Variants in HEMGN observed in about 807,000 individuals in gnomAD.
HEMGN encodes hemogen, also known as erythroid differentiation-associated gene protein.
In HEMGN, 32 loss-of-function variants were observed where a neutral mutation model predicts 45.7. The observed-to-expected ratio is 0.70, with a 90% CI of 0.53 to 0.94. HEMGN has a LOEUF of 0.94. Ranked by LOEUF, HEMGN falls within the 40% of genes least tolerant of loss-of-function variation. HEMGN has a pLI of 0.00. For missense variants in HEMGN, 530 were observed against 564.2 expected (o/e 0.94, Z 0.61); for synonymous variants, 183 against 178.6 (o/e 1.02, Z -0.20).
In HEMGN at chr9:97,930,550, T is replaced by C; in HGVS notation, c.845A>G (p.Glu282Gly). 1 of 1,614,208 alleles carries C rather than the reference T, an allele frequency of 6.2e-7. No homozygotes were observed. Among genetic ancestry groups the C allele is most frequent in the Non-Finnish European group, 8.5e-7 (1 of 1,180,014 alleles). ...LDTDQNPAEPEEYNETDQGIA... is the reference protein window; with the variant it reads ...LDTDQNPAEPGEYNETDQGIA... ...TCCTTGATCTGTTTCATTGTATTCC[T>C]CTGGTTCTGCTGGATTTTGGTCTGT... The change falls in exon 3 of 4, where the codon GAG becomes GGG. Residue 282 changes from glutamate to glycine, a missense_variant. Glu to Gly is a moderately conservative substitution (Grantham distance 98, BLOSUM62 -2). Transcript: ENST00000616898.
intron 1 of HEMGN, among the ~76,000 whole-genome samples, chr9:97,937,277 G>T (rs1464531365): frequency 1.3e-5 from 2 of 151,838 alleles, no homozygotes; most frequent in Admixed American, 6.6e-5. Flanking sequence ...TGTTACATAG[G>T]TATACATGTG....
At position 97,931,035 on chromosome 9, in the gene HEMGN, T is replaced by G; in HGVS notation, c.360A>C (p.Ser120=). ...GCACAACTTTTTGCGGGGAGGCTAC[T>G]GAAGGAAATACTTTGGTTATGCTCC... The part of the protein sequence containing the change: ...PPGSITKVFP[S]VASPQKVVPE... The change falls in exon 3 of 4, where the codon TCA becomes TCC. Residue 120 remains serine (S), a synonymous_variant. Transcript: ENST00000616898. The G allele has an allele frequency of 6.2e-7, 1 of 1,614,180 alleles. No homozygotes were observed.
chr9:97,943,400 T>A (rs761318339), intron 1 of HEMGN, among the ~76,000 whole-genome samples: 1 of 152,248 alleles, frequency 6.6e-6, no homozygotes, highest in Non-Finnish European at 1.5e-5. Flanking sequence ...CTTTCCTAAG[T>A]GGAGAAGGAG....
rs774340204 is a variant in HEMGN, at chr9:97,938,004, TCATA to T, written c.79+50_79+53del. 14 of 1,033,514 alleles carry T rather than the reference TCATA, an allele frequency of 1.4e-5. 1 individual carries two copies. Among genetic ancestry groups the T allele is most frequent in the East Asian group, 1.2e-4 (5 of 40,376 alleles). 64.0% of individuals were successfully genotyped at this position (1,033,514 alleles called of 1,614,324 possible). A position where few individuals can be genotyped will look rare whatever the true frequency, so the allele number is the denominator to read the frequency against. On this transcript the variant is annotated intron_variant, in intron 1 of 3. Coordinates refer to ENST00000616898, the MANE Select transcript of HEMGN (RefSeq NM_197978.3). The stretch of plus-strand genomic sequence containing the variant: ...CAGATCCATTGAAAAGAGAAAATTA[TCATA>T]CCCCGAATTCTTCTCAACAGCCACC...
chr9:97,943,382 A>G (rs1384791683), intron 1 of HEMGN, among the ~76,000 whole-genome samples: 1 of 152,240 alleles, frequency 6.6e-6, no homozygotes, highest in Non-Finnish European at 1.5e-5. Flanking sequence ...AGACTGGATC[A>G]AGCTTTGCTT....
intron 2 of HEMGN, among the ~76,000 whole-genome samples, chr9:97,934,855 T>C (rs1450472905): frequency 6.6e-6 from 1 of 152,086 alleles, no homozygotes; most frequent in Admixed American, 6.6e-5. Flanking sequence ...CCTCAGGGGA[T>C]AGTAAATGCA....
chr9:97,932,460 AG>A (rs1015353661), intron 2 of HEMGN, among the ~76,000 whole-genome samples: 1 of 152,040 alleles, frequency 6.6e-6, no homozygotes, highest in African/African-American at 2.4e-5. Context: ...AAAGAAAAAA[AG>A]GTATAGATGT....
upstream of HEMGN, among the ~76,000 whole-genome samples, chr9:97,940,297 A>G (rs965073044): frequency 4.6e-5 from 7 of 152,204 alleles, no homozygotes; most frequent in African/African-American, 1.7e-4. Flanking sequence ...TTGCAAGGAA[A>G]TAATAGATTC....
At chr9:97,928,617 T>C (rs1440882897) in intron 3 of HEMGN, among the ~76,000 whole-genome samples, 1 of 152,222 alleles carries the variant, frequency 6.6e-6, no homozygotes, top group Non-Finnish European at 1.5e-5. Flanking sequence ...GTAGAGCTTT[T>C]AACATTGAAT....
At position 97,927,223 on chromosome 9, in the gene HEMGN, G is replaced by A; in HGVS notation, c.*161C>T. The stretch of plus-strand genomic sequence containing the variant: ...CATTCTAGCATGATATTGTCTATGT[G>A]GTAGAGCCTTAAAAAATGTTATTTC... On this transcript the variant is annotated 3_prime_UTR_variant, in exon 4 of 4. Coordinates refer to ENST00000616898, the MANE Select transcript of HEMGN (RefSeq NM_197978.3). 1 of 520,196 alleles carries A rather than the reference G, an allele frequency of 1.9e-6. No individual in the cohort carries two copies. The highest frequency in any genetic ancestry group is 3.1e-5 in the East Asian group (1 of 32,218). The allele number at this position is 520,196 out of a possible 1,614,324, so 32.2% of individuals were successfully genotyped here.
At chr9:97,937,486 T>A (rs1452251460) in intron 1 of HEMGN, among the ~76,000 whole-genome samples, 1 of 152,152 alleles carries the variant, frequency 6.6e-6, no homozygotes, top group Non-Finnish European at 1.5e-5. Flanking sequence ...TTTGACTTGA[T>A]ACTATTATTA....
chr9:97,929,811 T>C (rs1826906401), intron 3 of HEMGN, among the ~76,000 whole-genome samples: 1 of 152,274 alleles, frequency 6.6e-6, no homozygotes, highest in South Asian at 2.1e-4. Flanking sequence ...ATGGATAGTA[T>C]GAATAAGTAC....
upstream of HEMGN, among the ~76,000 whole-genome samples, chr9:97,942,457 G>A (rs140570945): frequency 2.8e-4 from 42 of 151,562 alleles, no homozygotes; most frequent in East Asian, 1.9e-3. Flanking sequence ...CTAATTTTTT[G>A]TATTTTTTTT....
chr9:97,929,291 C>G (rs764702392), intron 3 of HEMGN, among the ~76,000 whole-genome samples: 4 of 152,188 alleles, frequency 2.6e-5, no homozygotes, highest in Non-Finnish European at 4.4e-5. Flanking sequence ...CAACTAGCAC[C>G]ATGTTTTTGT....
rs1305259747 is a variant in HEMGN at position 97,930,183 on chromosome 9, C to T, written c.1212G>A (p.Gly404=). Residue 404 remains glycine (G), a synonymous_variant, in exon 3 of 4, where the codon GGG becomes GGA. Transcript: ENST00000616898. ...YSPEIYQETP[G]PEDLSTETYK... ...ATGTCTCAGTAGAGAGGTCTTCAGGCCCCGGTGTTTCTTGGTATATTTCAG... is the reference window on the plus strand; with the variant it reads ...ATGTCTCAGTAGAGAGGTCTTCAGGTCCCGGTGTTTCTTGGTATATTTCAG... 28 of 1,614,034 alleles carry T rather than the reference C, an allele frequency of 1.7e-5. No individual in the cohort carries two copies. The highest frequency in any genetic ancestry group is 2.4e-5 in the Non-Finnish European group (28 of 1,179,996).
At chr9:97,942,000 G>T (rs1050329973), upstream of HEMGN, among the ~76,000 whole-genome samples, 1 of 152,128 alleles carries the variant, frequency 6.6e-6, no homozygotes, top group African/African-American at 2.4e-5. Flanking sequence ...TAATTTTTGG[G>T]GGACCCATGG....
chr9:97,933,501 C>T (rs1009544499), intron 2 of HEMGN, among the ~76,000 whole-genome samples: 2 of 152,152 alleles, frequency 1.3e-5, no homozygotes, highest in African/African-American at 4.8e-5. Flanking sequence ...AGATAAGGAG[C>T]CGTGCCTGGA....
At chr9:97,928,522 G>T (rs1826876305) in intron 3 of HEMGN, among the ~76,000 whole-genome samples, 1 of 152,104 alleles carries the variant, frequency 6.6e-6, no homozygotes, top group Non-Finnish European at 1.5e-5. Flanking sequence ...ATTTCTAGGG[G>T]TTGATTCAAA....
chr9:97,934,173 C>A, intron 2 of HEMGN, among the ~76,000 whole-genome samples: 1 of 151,964 alleles, frequency 6.6e-6, no homozygotes, highest in East Asian at 1.9e-4. Context: ...ATGGCGAAAC[C>A]CCGTCTCTAC....
Sources: allele counts gnomAD v4.1 joint callset (sites outside exome capture counted in the v4.1 genomes callset), GRCh38; gene constraint gnomAD v4.1.1; transcripts MANE v1.5; gene names NCBI Gene and HGNC (gene_info 2026-07-23, HGNC 2026-07-21).